The following PLXNA1 variants were observed in gnomAD, a reference collection of about 807,000 sequenced individuals.
PLXNA1 encodes the protein plexin A1.
A neutral mutation model predicts 191.7 loss-of-function variants in PLXNA1; 77 were observed. The ratio of observed to expected loss-of-function variants is 0.40; its 90% CI spans 0.33 to 0.49. The LOEUF is 0.49. Ranked by LOEUF, PLXNA1 falls within the 20% of genes least tolerant of loss-of-function variation. The pLI is 0.63. For missense variants in PLXNA1, 2,110 were observed against 2,660.2 expected (o/e 0.79, Z 4.55); for synonymous variants, 1,137 against 1,156.4 (o/e 0.98, Z 0.34).
chr3:127,021,740 G>A (rs568612169), intron 21 of PLXNA1, among the ~76,000 whole-genome samples: 10 of 152,318 alleles, frequency 6.6e-5, no homozygotes, highest in East Asian at 5.8e-4. Flanking sequence ...AGAGGGTGGC[G>A]TGAGCAGCCC....
chr3:127,024,302 G>T (rs2079166856), intron 23 of PLXNA1, among the ~76,000 whole-genome samples: 1 of 152,256 alleles, frequency 6.6e-6, no homozygotes, highest in African/African-American at 2.4e-5. Flanking sequence ...GCTTCAGCCA[G>T]CGCAGAGTGT....
chr3:127,007,753 C>T (rs376061160), intron 8 of PLXNA1, 46 bp from the exon 9 acceptor site: 8 of 1,246,830 alleles, frequency 6.4e-6, no homozygotes, highest in South Asian at 3.8e-5. Context: ...GGTGACTCCA[C>T]GTGGTTGCGG....
intron 23 of PLXNA1, among the ~76,000 whole-genome samples, chr3:127,025,856 G>A (rs908718284): frequency 1.3e-5 from 2 of 152,214 alleles, no homozygotes; most frequent in Non-Finnish European, 2.9e-5. Context: ...CTGCAACATG[G>A]ATGAACTTTG....
intron 8 of PLXNA1, 133 bp from the exon 9 acceptor site, chr3:127,007,666 C>A: frequency 1.7e-6 from 1 of 585,484 alleles, no homozygotes; most frequent in Non-Finnish European, 3.0e-6. Flanking sequence ...CTTTCCAGGC[C>A]AGGAGCAGTC....
intron 3 of PLXNA1, among the ~76,000 whole-genome samples, chr3:126,998,439 G>A (rs1399886075): frequency 7.9e-5 from 12 of 152,154 alleles, no homozygotes; most frequent in Admixed American, 7.2e-4. Flanking sequence ...CAGGACCCGT[G>A]CTGGTGACAG....
rs1316182358 is a variant in PLXNA1, at chr3:127,032,781, A to G, written c.5540A>G (p.Asn1847Ser). The change falls in exon 31 of 32, where the codon AAC (asparagine) becomes AGC (serine). Residue 1847 changes from asparagine to serine, a missense_variant. Around this residue, in one of 4 missense-constraint regions of PLXNA1, gnomAD observed 559 missense variants for 911.5 expected, o/e 0.61. Transcript: ENST00000393409. Reference protein sequence around the residue: ...EQSRLHLSQFNSMSALHEIYS... With the variant: ...EQSRLHLSQFSSMSALHEIYS... ...TCCCGCCTGCACCTGAGCCAGTTCA[A>G]CAGCATGAGCGCCTTGCACGAGATC... The G allele has an allele frequency of 3.7e-6, 6 of 1,603,404 alleles. No homozygotes were observed. The highest frequency in any genetic ancestry group is 5.1e-6 in the Non-Finnish European group (6 of 1,175,514).
At chr3:126,985,599 G>A (rs1303721246) in intron 1 of PLXNA1, among the ~76,000 whole-genome samples, 1 of 151,556 alleles carries the variant, frequency 6.6e-6, no homozygotes, top group African/African-American at 2.4e-5. Flanking sequence ...TCTGCTCCTC[G>A]GTAGAGTGCA....
At chr3:127,027,669 T>C (rs1324337767) in intron 23 of PLXNA1, 2 of 605,792 alleles carry the variant, frequency 3.3e-6, no homozygotes, top group Non-Finnish European at 3.1e-6. Flanking sequence ...CCACGCCATG[T>C]TCCTCGATAC....
chr3:126,990,072 G>A (rs1207422741), intron 2 of PLXNA1, among the ~76,000 whole-genome samples: 1 of 152,254 alleles, frequency 6.6e-6, no homozygotes, highest in Non-Finnish European at 1.5e-5. Context: ...GCCCCTGTGG[G>A]ACACTGGACA....
rs2079132559 is a variant in PLXNA1 at position 127,017,904 on chromosome 3, C to T, written c.3660+12C>T. On this transcript the variant is annotated intron_variant, in intron 19 of 31. Coordinates refer to ENST00000393409, the MANE Select transcript of PLXNA1 (RefSeq NM_032242.4). ...AGCACAAGGTCACGGTGCGTCTGTC[C>T]ACCGGGGGTGCAGAGCTGGGAGAGC... is the stretch of plus-strand genomic sequence containing the variant. The T allele has an allele frequency of 1.2e-6, 2 of 1,611,432 alleles. No individual in the cohort carries two copies. Among genetic ancestry groups the T allele is most frequent in the Non-Finnish European group, 1.7e-6 (2 of 1,179,874 alleles).
In PLXNA1 at chr3:127,022,077, T is replaced by G. The variant is rs547064732; in HGVS notation, c.4039-8T>G. On this transcript the variant is annotated splice_region_variant and splice_polypyrimidine_tract_variant and intron_variant, in intron 21 of 31. Transcript: ENST00000393409. ...TCTCTGTGGTCTGAGCTCTGTGTGCTCCCTCAGGTGCAGGCCAATGTGGAG... is the reference window on the plus strand; with the variant it reads ...TCTCTGTGGTCTGAGCTCTGTGTGCGCCCTCAGGTGCAGGCCAATGTGGAG... The G allele has an allele frequency of 6.2e-7, 1 of 1,608,888 alleles. No individual in the cohort carries two copies. Among genetic ancestry groups the G allele is most frequent in the African/African-American group, 1.3e-5 (1 of 74,966 alleles).
At chr3:127,018,153 A>T in intron 19 of PLXNA1, 141 bp from the exon 20 acceptor site, 1 of 892,992 alleles carries the variant, frequency 1.1e-6, no homozygotes, top group Non-Finnish European at 1.7e-6. Flanking sequence ...CAGTGTCTCC[A>T]CCCTGGTGAC....
At position 127,028,031 on chromosome 3, in the gene PLXNA1, G is replaced by T; in HGVS notation, c.4454G>T (p.Arg1485Leu). 6.2e-7 allele frequency: 1 copy of T among 1,614,064 alleles called. No homozygotes were observed. The highest frequency in any genetic ancestry group is 8.5e-7 in the Non-Finnish European group (1 of 1,180,006). Residue 1485 changes from arginine to leucine, a missense_variant, in exon 24 of 32, where the codon CGC becomes CTC. This residue lies in a region of PLXNA1 where 559 missense variants were observed against 911.5 expected (regional missense o/e 0.61). Coordinates refer to ENST00000393409, the MANE Select transcript of PLXNA1 (RefSeq NM_032242.4). ...ATTGACGCCATCACGGGTGAGGCACGCTACTCCCTGAGTGAGGACAAGCTC... is the reference window on the plus strand; with the variant it reads ...ATTGACGCCATCACGGGTGAGGCACTCTACTCCCTGAGTGAGGACAAGCTC... The part of the protein sequence containing the change: ...GPIDAITGEA[R>L]YSLSEDKLIR...
chr3:127,025,815 C>T (rs975759522), intron 23 of PLXNA1, among the ~76,000 whole-genome samples: 1 of 152,228 alleles, frequency 6.6e-6, no homozygotes, highest in African/African-American at 2.4e-5. Flanking sequence ...AGATAGTAGT[C>T]TGCCTTAGAA....
In PLXNA1 at chr3:127,014,570, C is replaced by T. The variant is rs749419893; in HGVS notation, c.2697C>T (p.Gly899=). The change falls in exon 13 of 32, where the codon GGC becomes GGT. Residue 899 remains glycine (G), a synonymous_variant. Coordinates refer to ENST00000393409, the MANE Select transcript of PLXNA1 (RefSeq NM_032242.4). The part of the protein sequence containing the change: ...LGLRFEDVRL[G]VRVGKVLCSP... Reference sequence around the variant, plus strand: ...TGCGATTCGAAGACGTGCGTCTGGGCGTGCGCGTGGGCAAGGTGCTGTGCA... The same window carrying T: ...TGCGATTCGAAGACGTGCGTCTGGGTGTGCGCGTGGGCAAGGTGCTGTGCA... 7.4e-6 allele frequency: 12 copies of T among 1,612,690 alleles called. No homozygotes were observed. Among genetic ancestry groups the T allele is most frequent in the South Asian group, 5.5e-5 (5 of 91,088 alleles).
Position 127,014,255 on chromosome 3 carries a change from C to G in PLXNA1, c.2484C>G (p.Cys828Trp). ...LCLKADPRFE[C>W]GWCVAERRCS... Reference sequence around the variant, plus strand: ...TCAAGGCCGACCCGCGCTTCGAGTGCGGATGGTGCGTGGCCGAGCGCCGCT... The same window carrying G: ...TCAAGGCCGACCCGCGCTTCGAGTGGGGATGGTGCGTGGCCGAGCGCCGCT... Residue 828 changes from cysteine to tryptophan, a missense_variant, in exon 12 of 32, where the codon TGC becomes TGG. Cys to Trp is a radical substitution (Grantham distance 215). Transcript: ENST00000393409. 6.2e-7 allele frequency: 1 copy of G among 1,600,036 alleles called. No homozygotes were observed. The highest frequency in any genetic ancestry group is 8.5e-7 in the Non-Finnish European group (1 of 1,174,456).
chr3:127,007,898 T>C lies in PLXNA1; in HGVS notation c.2097T>C (p.Arg699=). The stretch of plus-strand genomic sequence containing the variant: ...CTGACTGCGCCTTCCTGGAGGGCCG[T>C]GTCAACGTGTCTGAGGTAAGGCCGG... The part of the protein sequence containing the change: ...NVADCAFLEG[R]VNVSEDCPQI... The change falls in exon 9 of 32, where the codon CGT becomes CGC. Residue 699 remains arginine (R), a synonymous_variant. Transcript: ENST00000393409. 1 of 1,610,314 alleles carries C rather than the reference T, an allele frequency of 6.2e-7. No homozygotes were observed. The highest frequency in any genetic ancestry group is 8.5e-7 in the Non-Finnish European group (1 of 1,177,722).
chr3:126,983,501 G>A (rs2078941354), intron 1 of PLXNA1, among the ~76,000 whole-genome samples: 1 of 146,154 alleles, frequency 6.8e-6, no homozygotes, highest in African/African-American at 2.5e-5. Context: ...CTGCGGCTCC[G>A]GCCCAGGCGT....
At chr3:127,029,124 C>T (rs903981495) in intron 26 of PLXNA1, 28 bp downstream of exon 26, 2 of 1,556,602 alleles carry the variant, frequency 1.3e-6, no homozygotes, top group Admixed American at 1.7e-5. Flanking sequence ...GACCCTAGCA[C>T]AGGCCTCCCT....
Sources: allele counts gnomAD v4.1 joint callset (sites outside exome capture counted in the v4.1 genomes callset), GRCh38; gene constraint gnomAD v4.1.1; regional missense constraint gnomAD v4.1.1; transcripts MANE v1.5; gene names NCBI Gene and HGNC (gene_info 2026-07-23, HGNC 2026-07-21).